The following MYO10 variants were observed in gnomAD, a reference collection of about 807,000 sequenced individuals.
MYO10 encodes myosin X.
Under a neutral mutation model 257.3 loss-of-function variants are expected in MYO10, and 133 were observed. That is an observed-to-expected ratio of 0.52 (90% CI 0.45 to 0.60). The LOEUF is 0.60. Among genes scored for constraint, MYO10 ranks in the 20% least tolerant of loss-of-function variants. The probability of loss-of-function intolerance (pLI) is 0.00; values close to 1 mark genes in which losing one functional copy is unlikely to be tolerated. For synonymous variants in MYO10, 1,104 were observed against 1,028.6 expected (o/e 1.07, Z -1.40); for missense variants, 2,399 against 2,635.7 (o/e 0.91, Z 1.97).
chr5:16,921,154 T>TAAAATAAAATAAAATAAAATAAAAG, intron 1 of MYO10, among the ~76,000 whole-genome samples: 1 of 151,262 alleles, frequency 6.6e-6, no homozygotes, highest in African/African-American at 2.4e-5. Context: ...TAAAATAAAA[T>TAAAATAAAATAAAATAAAATAAAAG]AAACGTATAC....
chr5:16,715,309 C>A (rs1377288249), intron 19 of MYO10, among the ~76,000 whole-genome samples: 3 of 150,454 alleles, frequency 2.0e-5, no homozygotes, highest in Non-Finnish European at 4.4e-5. Flanking sequence ...TACATATATG[C>A]GTATAAATGT....
intron 2 of MYO10, among the ~76,000 whole-genome samples, chr5:16,873,851 C>T (rs772455053): frequency 6.6e-6 from 1 of 152,166 alleles, no homozygotes; most frequent in African/African-American, 2.4e-5. Flanking sequence ...AGGCTGCACA[C>T]AGCACAGGGA....
At chr5:16,910,785 T>C (rs1039125029) in intron 1 of MYO10, among the ~76,000 whole-genome samples, 1 of 152,146 alleles carries the variant, frequency 6.6e-6, no homozygotes. Context: ...CCAGCAAGCA[T>C]CAGAGCAGTG....
chr5:16,732,819 T>A (rs1329632164), intron 19 of MYO10, among the ~76,000 whole-genome samples: 1 of 152,196 alleles, frequency 6.6e-6, no homozygotes, highest in African/African-American at 2.4e-5. Context: ...TGGCTGAATA[T>A]TTTTTATAAT....
intron 2 of MYO10, among the ~76,000 whole-genome samples, chr5:16,849,152 CT>C (rs922448895): frequency 6.6e-6 from 1 of 152,108 alleles, no homozygotes; most frequent in Admixed American, 6.6e-5. Context: ...TACTTTTGCC[CT>C]TCCTATTTGA....
chr5:16,913,133 A>G (rs1430407718), intron 1 of MYO10, among the ~76,000 whole-genome samples: 1 of 151,726 alleles, frequency 6.6e-6, no homozygotes, highest in Non-Finnish European at 1.5e-5. Context: ...CCCCAGTTAT[A>G]AAACAAACTC....
intron 2 of MYO10, among the ~76,000 whole-genome samples, chr5:16,870,912 T>A (rs1744440967): frequency 6.6e-6 from 1 of 152,136 alleles, no homozygotes; most frequent in Non-Finnish European, 1.5e-5. Flanking sequence ...AAAAAAATTC[T>A]CTGAAATTGT....
intron 3 of MYO10, chr5:16,815,360 AT>A (rs1237600177): frequency 1.2e-5 from 8 of 674,630 alleles, no homozygotes; most frequent in Non-Finnish European, 2.1e-5. Flanking sequence ...AATATTCCCA[AT>A]GAGCATTTCC....
At chr5:16,778,249 C>A (rs1215503956) in intron 9 of MYO10, among the ~76,000 whole-genome samples, 2 of 151,986 alleles carry the variant, frequency 1.3e-5, no homozygotes, top group Non-Finnish European at 2.9e-5. Context: ...TCGCAACGCT[C>A]GATGACTGGG....
rs563342904 is a variant in MYO10, at chr5:16,679,019, A to G, written c.4542+928T>C. Among the ~76,000 whole-genome samples the G allele has an allele frequency of 2.1e-4, 32 of 152,188 alleles. 1 individual carries two copies. The highest frequency in any genetic ancestry group is 4.1e-4 in the Non-Finnish European group (28 of 68,034). ...AATCCCCGCTCAGGGCTGCCATGCA[A>G]CCATTCATTCCTTCATCTCACATAG... On this transcript the variant is annotated intron_variant, in intron 33 of 40. Coordinates refer to ENST00000513610, the MANE Select transcript of MYO10 (RefSeq NM_012334.3).
intron 2 of MYO10, among the ~76,000 whole-genome samples, chr5:16,864,519 C>A (rs1435688067): frequency 6.6e-6 from 1 of 152,090 alleles, no homozygotes; most frequent in Non-Finnish European, 1.5e-5. Context: ...TGCATATTTG[C>A]GTTCGTGCAT....
intron 1 of MYO10, among the ~76,000 whole-genome samples, chr5:16,918,093 T>C (rs1337873967): frequency 6.6e-6 from 1 of 152,186 alleles, no homozygotes; most frequent in Non-Finnish European, 1.5e-5. Context: ...ATGTAAACCA[T>C]CCATTACCTT....
At chr5:16,717,753 C>T (rs1261148777) in intron 19 of MYO10, among the ~76,000 whole-genome samples, 1 of 152,210 alleles carries the variant, frequency 6.6e-6, no homozygotes, top group African/African-American at 2.4e-5. Context: ...GATTTAACTC[C>T]ATTTGCATCT....
intron 3 of MYO10, among the ~76,000 whole-genome samples, chr5:16,799,900 G>T (rs1021056624): frequency 6.6e-6 from 1 of 152,046 alleles, no homozygotes; most frequent in African/African-American, 2.4e-5. Flanking sequence ...AAAGGCATCG[G>T]GATACTCTCC....
chr5:16,933,452 A>T (rs889736997), intron 1 of MYO10, among the ~76,000 whole-genome samples: 1 of 152,188 alleles, frequency 6.6e-6, no homozygotes, highest in Non-Finnish European at 1.5e-5. Flanking sequence ...CTCATTCAGT[A>T]ATTTTTCCCC....
Position 16,701,201 on chromosome 5 carries a change from T to C in MYO10, c.3194A>G (p.Asn1065Ser), listed in dbSNP as rs756518355. The change falls in exon 25 of 41, where the codon AAC becomes AGC. Residue 1065 changes from asparagine (N) to serine (S), a missense_variant. Coordinates refer to ENST00000513610, the MANE Select transcript of MYO10 (RefSeq NM_012334.3). The surrounding 1 kb of genome is among the most constrained non-coding windows in gnomAD (Gnocchi z 8.1). Reference sequence around the variant, plus strand: ...GTAGGTGGACTCGCCGCTGGAGGAGTTGTGTAGGCTCCCGGAGTCCTGCAC... The same window carrying C: ...GTAGGTGGACTCGCCGCTGGAGGAGCTGTGTAGGCTCCCGGAGTCCTGCAC... ...PSVQDSGSLH[N>S]SSSGESTYCM... 8.1e-6 allele frequency: 13 copies of C among 1,610,328 alleles called. No individual in the cohort carries two copies. Among genetic ancestry groups the C allele is most frequent in the Middle Eastern group, 1.7e-4 (1 of 6,054 alleles).
At chr5:16,728,105 T>C (rs962073847) in intron 19 of MYO10, among the ~76,000 whole-genome samples, 12 of 152,296 alleles carry the variant, frequency 7.9e-5, no homozygotes, top group Admixed American at 3.3e-4. Context: ...TCTAGGAACA[T>C]AGGCCGCCCT....
chr5:16,845,360 G>A (rs112870633), intron 2 of MYO10, among the ~76,000 whole-genome samples: 285 of 151,952 alleles, frequency 1.9e-3, no homozygotes, highest in African/African-American at 6.6e-3. Context: ...TCCCATTTTC[G>A]GCGTGTTAAA....
Position 16,672,294 on chromosome 5 carries a change from C to CAAAA in MYO10, c.5309+391_5309+394dup, listed in dbSNP as rs10684695. On this transcript the variant is annotated intron_variant, in intron 37 of 40. Transcript: ENST00000513610. ...TGGGCAACAGAGCAAGACTCCATCT[C>CAAAA]AAAAAAAAAAAAAAGTAGGTCCATT... is the stretch of plus-strand genomic sequence containing the variant. Among the ~76,000 whole-genome samples the CAAAA allele has an allele frequency of 8.2e-5, 10 of 122,280 alleles. 2 individuals are homozygous for CAAAA. The highest frequency in any genetic ancestry group is 3.2e-5 in the African/African-American group (1 of 31,402). The allele number at this position is 122,280 out of a possible 152,430, so 80.2% of individuals were successfully genotyped here.
Sources: gnomAD v4.1 joint callset for allele counts (sites outside exome capture counted in the v4.1 genomes callset) on GRCh38, gnomAD v4.1.1 for gene constraint, Gnocchi (gnomAD v3.1) non-coding constraint, MANE v1.5 for transcripts, NCBI Gene and HGNC (gene_info 2026-07-23, HGNC 2026-07-21) for gene names.